The following CNOT3 variants were observed in gnomAD, a reference collection of about 807,000 sequenced individuals.
CNOT3 encodes the protein CCR4-NOT transcription complex subunit 3.
In CNOT3, 2 loss-of-function variants were observed where a neutral mutation model predicts 89.4. That is an observed-to-expected ratio of 0.02 (90% CI 0.01 to 0.07). The LOEUF (loss-of-function observed/expected upper bound fraction) is 0.07, where lower values mean the gene tolerates loss of function less well. Ranked by LOEUF, CNOT3 falls within the 10% of genes least tolerant of loss-of-function variation. The probability of loss-of-function intolerance (pLI) is 1.00; values close to 1 mark genes in which losing one functional copy is unlikely to be tolerated. For synonymous variants in CNOT3, 486 were observed against 402.0 expected (o/e 1.21, Z -2.50); for missense variants, 664 against 1,010.2 (o/e 0.66, Z 4.65).
intron 16 of CNOT3, 145 bp from the exon 17 acceptor site, chr19:54,153,570 C>T: frequency 1.3e-6 from 1 of 782,892 alleles, no homozygotes; most frequent in Admixed American, 1.7e-5. Flanking sequence ...TCTGTGCCCC[C>T]AGCCCCATCT....
chr19:54,143,427 C>T lies in CNOT3; in HGVS notation c.94-15C>T, dbSNP rs745635356. The T allele has an allele frequency of 6.2e-7, 1 of 1,613,550 alleles. No individual in the cohort carries two copies. Among genetic ancestry groups the T allele is most frequent in the Non-Finnish European group, 8.5e-7 (1 of 1,179,652 alleles). On this transcript the variant is annotated splice_polypyrimidine_tract_variant and intron_variant, in intron 3 of 17. Coordinates refer to ENST00000221232, the MANE Select transcript of CNOT3 (RefSeq NM_014516.4). ...CCCCTCCCACACTGACTTCTCAATT[C>T]TCTCCATCCCTCAGCTCCACAATGC... is the stretch of plus-strand genomic sequence containing the variant.
At chr19:54,147,003 C>T (rs752676232) in intron 10 of CNOT3, among the ~76,000 whole-genome samples, 1 of 152,130 alleles carries the variant, frequency 6.6e-6, no homozygotes, top group Non-Finnish European at 1.5e-5. Context: ...AGAGATGAGT[C>T]TGGCCAGGTC....
At chr19:54,139,200 GA>G (rs1484135852) in intron 1 of CNOT3, among the ~76,000 whole-genome samples, 14 of 152,244 alleles carry the variant, frequency 9.2e-5, no homozygotes, top group African/African-American at 3.4e-4. Flanking sequence ...GAGGGGTTTT[GA>G]TGTCTCCCCT....
rs377579474 is a variant in CNOT3, at chr19:54,149,585, A to G, written c.1432A>G (p.Thr478Ala). The change falls in exon 13 of 18, where the codon ACG becomes GCG. Residue 478 changes from threonine to alanine, a missense_variant. By Grantham distance (58) the Thr-to-Ala change is moderately conservative. Coordinates refer to ENST00000221232, the MANE Select transcript of CNOT3 (RefSeq NM_014516.4). ...GAAGGAACCCAGTGCGGCAGCCCCA[A>G]CGGGGGCTGGGGGCGTGGCCCCAGG... ...TSKEPSAAAP[T>A]GAGGVAPGSG... 2.1e-5 allele frequency: 34 copies of G among 1,601,436 alleles called. No homozygotes were observed. The African/African-American group carries it at 2.3e-4, about 11-fold the overall frequency.
chr19:54,144,768 A>C lies in CNOT3; in HGVS notation c.483+436A>C, dbSNP rs1261932213. ...GGCAGAGAACCAGGCCTGAAGGAAGACAGGAGTCTGGGACAAAGCTGGATG... is the reference window on the plus strand; with the variant it reads ...GGCAGAGAACCAGGCCTGAAGGAAGCCAGGAGTCTGGGACAAAGCTGGATG... On this transcript the variant is annotated intron_variant, in intron 7 of 17. Coordinates refer to ENST00000221232, the MANE Select transcript of CNOT3 (RefSeq NM_014516.4). This position sits in a 1 kb window ranked among gnomAD's most constrained non-coding sequence, Gnocchi z 4.8. 6.6e-6 allele frequency among the ~76,000 whole-genome samples: 1 copy of C among 152,178 alleles called. No individual in the cohort carries two copies. The highest frequency in any genetic ancestry group is 2.4e-5 in the African/African-American group (1 of 41,426).
chr19:54,143,243 C>T (rs1288624478), intron 3 of CNOT3, 57 bp downstream of exon 3: 10 of 1,490,302 alleles, frequency 6.7e-6, no homozygotes, highest in South Asian at 3.4e-5. Flanking sequence ...CACAGGAAGG[C>T]GGCTCAGGAC....
At chr19:54,151,396 C>T (rs1379603206) in intron 13 of CNOT3, among the ~76,000 whole-genome samples, 3 of 152,046 alleles carry the variant, frequency 2.0e-5, no homozygotes, top group African/African-American at 7.2e-5. Context: ...GGGAGCCATC[C>T]AGTGGGGTTT....
chr19:54,148,729 A>C lies in CNOT3; in HGVS notation c.1392A>C (p.Pro464=). The stretch of plus-strand genomic sequence containing the variant: ...GCCCCCCTTCCGGCCCCCACAACCC[A>C]CCTCCCAGCACCTCGTGAGTGTCTC... ...ALGPPSGPHN[P]PPSTSKEPSA... is the part of the protein sequence containing the mutation. Residue 464 remains proline, a synonymous_variant, in exon 12 of 18, where the codon CCA becomes CCC. Transcript: ENST00000221232. This position sits in a 1 kb window ranked among gnomAD's most constrained non-coding sequence, Gnocchi z 6.3. 6.2e-7 allele frequency: 1 copy of C among 1,610,842 alleles called. No individual in the cohort carries two copies. The highest frequency in any genetic ancestry group is 8.5e-7 in the Non-Finnish European group (1 of 1,179,072).
In CNOT3 at chr19:54,152,240, G is replaced by A. The variant is rs2075159566; in HGVS notation, c.1620G>A (p.Leu540=). 3.1e-6 allele frequency: 5 copies of A among 1,613,862 alleles called. No individual in the cohort carries two copies. The highest frequency in any genetic ancestry group is 4.2e-6 in the Non-Finnish European group (5 of 1,179,980). ...TTCCTCCCCAGGCCCCTGAGCCTCT[G>A]AGCTCCTTGAAGTCCATGGCGGAAC... ...TAPEIKAPEP[L]SSLKSMAERA... Residue 540 remains leucine, a synonymous_variant, in exon 14 of 18, where the codon CTG becomes CTA. Transcript: ENST00000221232.
At chr19:54,140,821 A>G (rs1050621350) in intron 1 of CNOT3, among the ~76,000 whole-genome samples, 1 of 151,996 alleles carries the variant, frequency 6.6e-6, no homozygotes, top group Non-Finnish European at 1.5e-5. Flanking sequence ...TTGCTGCCAC[A>G]GTGTGGTCTC....
At chr19:54,151,525 G>A (rs1015150113) in intron 13 of CNOT3, among the ~76,000 whole-genome samples, 4 of 152,210 alleles carry the variant, frequency 2.6e-5, no homozygotes, top group East Asian at 3.8e-4. Context: ...GCGATATAGC[G>A]AGACAGGATG....
In CNOT3 at chr19:54,145,447, G is replaced by T. The variant is rs1040961774; in HGVS notation, c.484-151G>T. On this transcript the variant is annotated intron_variant, in intron 7 of 17. Transcript: ENST00000221232. The surrounding 1 kb of genome is among the most constrained non-coding windows in gnomAD (Gnocchi z 5.9). ...TGGTCCCCACAGGGCTCAGAGGGTG[G>T]GTGGACCCCATACTGCCCCACCCCG... The T allele has an allele frequency of 2.9e-5, 18 of 623,120 alleles. No individual in the cohort carries two copies. In the African/African-American group the frequency reaches 3.1e-4, roughly 11 times the overall value. 38.6% of individuals were successfully genotyped at this position (623,120 alleles called of 1,614,324 possible). A position where few individuals can be genotyped will look rare whatever the true frequency, so the allele number is the denominator to read the frequency against.
chr19:54,155,588 G>C lies in CNOT3; in HGVS notation c.*181G>C, dbSNP rs1310600930. The C allele has an allele frequency of 3.8e-6, 4 of 1,061,798 alleles. No individual in the cohort carries two copies. The highest frequency in any genetic ancestry group is 5.4e-6 in the Non-Finnish European group (4 of 741,180). The allele number at this position is 1,061,798 out of a possible 1,614,324, so 65.8% of individuals were successfully genotyped here. A position where few individuals can be genotyped will look rare whatever the true frequency, so the allele number is the denominator to read the frequency against. On this transcript the variant is annotated 3_prime_UTR_variant, in exon 18 of 18. Transcript: ENST00000221232. The stretch of plus-strand genomic sequence containing the variant: ...CCCCACCCTGGGGGCCCGGGGGCGA[G>C]GGCTGCCCCCTCCTCCCCTCCCCAG...
chr19:54,143,942 G>A (rs1402981038), intron 5 of CNOT3, 64 bp from the exon 6 acceptor site: 3 of 1,573,652 alleles, frequency 1.9e-6, no homozygotes, highest in East Asian at 2.2e-5. Flanking sequence ...CGGAGTGTCT[G>A]CTGGCCCTTA....
chr19:54,137,814 C>T lies in CNOT3; in HGVS notation c.-230C>T, dbSNP rs1255709839. On this transcript the variant is annotated 5_prime_UTR_variant, in exon 1 of 18. Coordinates refer to ENST00000221232, the MANE Select transcript of CNOT3 (RefSeq NM_014516.4). ...GCGGAGCCATCGGCAGACGCCGCGGCCTCCCTTGAGCCCCGACCCCCGTCG... is the reference window on the plus strand; with the variant it reads ...GCGGAGCCATCGGCAGACGCCGCGGTCTCCCTTGAGCCCCGACCCCCGTCG... 1 of 152,090 alleles carries T rather than the reference C, an allele frequency of 6.6e-6. No individual in the cohort carries two copies. The highest frequency in any genetic ancestry group is 2.4e-5 in the African/African-American group (1 of 41,416). 9.4% of individuals were successfully genotyped at this position (152,090 alleles called of 1,614,324 possible).
chr19:54,148,125 C>G lies in CNOT3; in HGVS notation c.895-23C>G, dbSNP rs746448157. ...ACCAGCTGGCCCACTGGGTCCTGAC[C>G]CTCTGCTCTCTCCCACCCGCAGTCT... On this transcript the variant is annotated intron_variant, in intron 10 of 17. Transcript: ENST00000221232. This position sits in a 1 kb window ranked among gnomAD's most constrained non-coding sequence, Gnocchi z 6.3. 4 of 1,456,616 alleles carry G rather than the reference C, an allele frequency of 2.7e-6. No homozygotes were observed. Among genetic ancestry groups the G allele is most frequent in the Non-Finnish European group, 3.6e-6 (4 of 1,102,048 alleles). 90.2% of individuals were successfully genotyped at this position (1,456,616 alleles called of 1,614,324 possible).
intron 17 of CNOT3, 126 bp downstream of exon 17, chr19:54,153,966 C>G: frequency 8.4e-7 from 1 of 1,195,482 alleles, no homozygotes. Context: ...CTCAGCCTGA[C>G]CAAGTACTCC....
chr19:54,143,198 G>A lies in CNOT3; in HGVS notation c.93+12G>A, dbSNP rs752189279. 2 of 1,611,020 alleles carry A rather than the reference G, an allele frequency of 1.2e-6. No individual in the cohort carries two copies. The highest frequency in any genetic ancestry group is 2.2e-5 in the South Asian group (2 of 91,032). On this transcript the variant is annotated intron_variant, in intron 3 of 17. Coordinates refer to ENST00000221232, the MANE Select transcript of CNOT3 (RefSeq NM_014516.4). Reference sequence around the variant, plus strand: ...ATATTTGGCAGAAGGTACAGGGGCTGAGACCCTAATAATCTGGGTCTTCAG... The same window carrying A: ...ATATTTGGCAGAAGGTACAGGGGCTAAGACCCTAATAATCTGGGTCTTCAG...
chr19:54,152,360 C>T, intron 14 of CNOT3, 35 bp downstream of exon 14: 1 of 1,614,098 alleles, frequency 6.2e-7, no homozygotes, highest in Non-Finnish European at 8.5e-7. Context: ...AGCAGCGGGC[C>T]AAAGAGGAGG....
Sources: allele counts gnomAD v4.1 joint callset (sites outside exome capture counted in the v4.1 genomes callset), GRCh38; gene constraint gnomAD v4.1.1; non-coding constraint Gnocchi (gnomAD v3.1); transcripts MANE v1.5; gene names NCBI Gene and HGNC (gene_info 2026-07-23, HGNC 2026-07-21).